Variants in PTPRS observed in about 807,000 individuals in gnomAD.
PTPRS encodes protein tyrosine phosphatase receptor type S, also known as receptor-type tyrosine-protein phosphatase S.
A neutral mutation model predicts 215.3 loss-of-function variants in PTPRS; 63 were observed. The ratio of observed to expected loss-of-function variants is 0.29; its 90% CI spans 0.24 to 0.36. The LOEUF (loss-of-function observed/expected upper bound fraction) is 0.36, where lower values mean the gene tolerates loss of function less well. Ranked by LOEUF, PTPRS falls within the 10% of genes least tolerant of loss-of-function variation. The pLI is 1.00. For missense variants in PTPRS, 2,258 were observed against 2,825.8 expected, an observed-to-expected ratio of 0.80 and a Z score of 4.56; for synonymous variants, 1,404 against 1,191.4, an observed-to-expected ratio of 1.18 and a Z score of -3.68.
rs1568394587 is a variant in PTPRS, at chr19:5,220,164, CAG to C, written c.3550-12_3550-11del. Reference sequence around the variant, plus strand: ...AGATGTCCTGGATGAGCTGCGGGAACAGAGTCATGGGTGGCTCAGAGCTCAGC... The same window carrying C: ...AGATGTCCTGGATGAGCTGCGGGAACAGTCATGGGTGGCTCAGAGCTCAGC... On this transcript the variant is annotated splice_polypyrimidine_tract_variant and intron_variant, in intron 21 of 37. Transcript: ENST00000262963. 1.2e-5 allele frequency: 20 copies of C among 1,609,944 alleles called. No individual in the cohort carries two copies. The highest frequency in any genetic ancestry group is 5.5e-5 in the South Asian group (5 of 90,968).
chr19:5,241,958 CTT>C (rs956345962), intron 11 of PTPRS, among the ~76,000 whole-genome samples: 23 of 152,224 alleles, frequency 1.5e-4, no homozygotes, highest in Admixed American at 6.5e-5. Context: ...GCCTCAGCCT[CTT>C]GAGTAGCTGG....
rs572802335 is a variant in PTPRS, at chr19:5,266,069, T to C, written c.380-873A>G. On this transcript the variant is annotated intron_variant, in intron 4 of 37. Coordinates refer to ENST00000262963, the MANE Select transcript of PTPRS (RefSeq NM_002850.4). ...AAGGCTAGGAGTTTAAGACCCAGCC[T>C]GGCCCACATGGTGAAACACTGTCTC... 2.6e-5 allele frequency among the ~76,000 whole-genome samples: 4 copies of C among 152,206 alleles called. No homozygotes were observed. In the East Asian group the frequency reaches 7.7e-4, roughly 29 times the overall value.
intron 9 of PTPRS, among the ~76,000 whole-genome samples, chr19:5,254,627 C>T (rs1186263014): frequency 1.3e-5 from 2 of 152,072 alleles, no homozygotes; most frequent in Non-Finnish European, 2.9e-5. Flanking sequence ...CCAAGGTTCC[C>T]CTGGGCTTTT....
At chr19:5,311,508 T>C (rs566101201) in intron 1 of PTPRS, among the ~76,000 whole-genome samples, 4 of 152,298 alleles carry the variant, frequency 2.6e-5, no homozygotes, top group African/African-American at 9.6e-5. Context: ...GGTTGTTTTC[T>C]GAACACACAG....
chr19:5,334,249 G>T (rs576316424), intron 1 of PTPRS, among the ~76,000 whole-genome samples: 4 of 152,268 alleles, frequency 2.6e-5, no homozygotes, highest in African/African-American at 9.6e-5. Flanking sequence ...GGCTGAGGGC[G>T]GGGTAGCGGG....
intron 9 of PTPRS, among the ~76,000 whole-genome samples, chr19:5,246,882 A>G (rs1204236577): frequency 6.8e-6 from 1 of 146,290 alleles, no homozygotes; most frequent in Non-Finnish European, 1.5e-5. Flanking sequence ...TGCAAAATAG[A>G]TTGAGAGAGA....
chr19:5,222,863 G>C lies in PTPRS; in HGVS notation c.2929C>G (p.Pro977Ala). The C allele has an allele frequency of 6.3e-7, 1 of 1,586,960 alleles. No homozygotes were observed. Among genetic ancestry groups the C allele is most frequent in the South Asian group, 1.1e-5 (1 of 89,836 alleles). The change falls in exon 18 of 38, where the codon CCT becomes GCT. Residue 977 changes from proline (P) to alanine (A), a missense_variant. This residue lies in a region of PTPRS where 361 missense variants were observed against 332.6 expected (regional missense o/e 1.09). Transcript: ENST00000262963. The part of the protein sequence containing the change: ...VAVREAGALG[P>A]ARETELPAAA... The stretch of plus-strand genomic sequence containing the variant: ...GCCGGCAGCTCAGTCTCTCGGGCAG[G>C]GCCCAGGGCACCGGCCTCCCGCACG...
chr19:5,239,082 A>G lies in PTPRS; in HGVS notation c.1705-19T>C, dbSNP rs2145841491. On this transcript the variant is annotated intron_variant, in intron 12 of 37. Coordinates refer to ENST00000262963, the MANE Select transcript of PTPRS (RefSeq NM_002850.4). ...TTCCCACCTGGGGGCAGGGCAGAGA[A>G]GGACAGAGAGGGATGGGGGAGAGAG... The G allele has an allele frequency of 6.6e-7, 1 of 1,513,230 alleles. No individual in the cohort carries two copies. The highest frequency in any genetic ancestry group is 8.9e-7 in the Non-Finnish European group (1 of 1,119,494). The allele number at this position is 1,513,230 out of a possible 1,614,324, so 93.7% of individuals were successfully genotyped here. A position where few individuals can be genotyped will look rare whatever the true frequency, so the allele number is the denominator to read the frequency against.
rs2044337205 is a variant in PTPRS, at chr19:5,244,909, C to G, written c.989-427G>C. The stretch of plus-strand genomic sequence containing the variant: ...GGTCTCGATCTCCTGACCTCGTGAT[C>G]CGCCCGCCTCGGCCTCCCGAAGTGC... On this transcript the variant is annotated intron_variant, in intron 10 of 37. Coordinates refer to ENST00000262963, the MANE Select transcript of PTPRS (RefSeq NM_002850.4). This position sits in a 1 kb window ranked among gnomAD's most constrained non-coding sequence, Gnocchi z 7.2. Among the ~76,000 whole-genome samples the G allele has an allele frequency of 6.6e-6, 1 of 151,988 alleles. No individual in the cohort carries two copies. Among genetic ancestry groups the G allele is most frequent in the Non-Finnish European group, 1.5e-5 (1 of 67,986 alleles).
At chr19:5,296,992 G>A (rs751181662) in intron 1 of PTPRS, among the ~76,000 whole-genome samples, 2 of 151,884 alleles carry the variant, frequency 1.3e-5, no homozygotes, top group Non-Finnish European at 2.9e-5. Context: ...GGCTCATTTG[G>A]GGATGTACAG....
intron 11 of PTPRS, among the ~76,000 whole-genome samples, chr19:5,243,280 C>T (rs1029306419): frequency 6.2e-4 from 93 of 150,936 alleles, no homozygotes; most frequent in African/African-American, 2.2e-3. Flanking sequence ...TACAGGCACC[C>T]GCCACCACGG....
At position 5,218,523 on chromosome 19, in the gene PTPRS, C is replaced by A; in HGVS notation, c.3945G>T (p.Lys1315Asn). Residue 1315 changes from lysine to asparagine, a missense_variant, in exon 25 of 38, where the codon AAG (lysine) becomes AAT (asparagine). By Grantham distance (94) the Lys-to-Asn change is moderately conservative (BLOSUM62 0). Around this residue, in one of 6 missense-constraint regions of PTPRS, gnomAD observed 927 missense variants for 1,125.9 expected, o/e 0.82. Coordinates refer to ENST00000262963, the MANE Select transcript of PTPRS (RefSeq NM_002850.4). ...GGCATTTGGTGCGGGGTTCTGAGTC[C>A]TTGCGTTTACTTTAGGAGAAGCAAG... ...LYKNKPDSKR[K>N]DSEPRTKCLL... is the part of the protein sequence containing the mutation. 1 of 1,614,114 alleles carries A rather than the reference C, an allele frequency of 6.2e-7. No individual in the cohort carries two copies. The highest frequency in any genetic ancestry group is 8.5e-7 in the Non-Finnish European group (1 of 1,180,004).
intron 1 of PTPRS, among the ~76,000 whole-genome samples, chr19:5,318,554 G>A (rs910371401): frequency 1.3e-5 from 2 of 152,026 alleles, no homozygotes; most frequent in Non-Finnish European, 2.9e-5. Context: ...CCCCTCACAT[G>A]GCTGCTGTGA....
intron 4 of PTPRS, among the ~76,000 whole-genome samples, chr19:5,266,235 G>C (rs1465934721): frequency 6.6e-6 from 1 of 151,214 alleles, no homozygotes; most frequent in Non-Finnish European, 1.5e-5. Flanking sequence ...CTCTAGCCTG[G>C]GCGACAGAGT....
chr19:5,274,269 G>A lies in PTPRS; in HGVS notation c.167C>T (p.Ala56Val). Reference sequence around the variant, plus strand: ...CACTCGTGGCTTGGGGTCACCCGTGGCCTGACACACGAAAGAGGCCACACC... The same window carrying A: ...CACTCGTGGCTTGGGGTCACCCGTGACCTGACACACGAAAGAGGCCACACC... ...SGGVASFVCQATGDPKPRVTW... is the reference protein window; with the variant it reads ...SGGVASFVCQVTGDPKPRVTW... The change falls in exon 3 of 38, where the codon GCC (alanine) becomes GTC (valine). Residue 56 changes from alanine to valine, a missense_variant. By Grantham distance (64) the Ala-to-Val change is moderately conservative. Coordinates refer to ENST00000262963, the MANE Select transcript of PTPRS (RefSeq NM_002850.4). 6.2e-7 allele frequency: 1 copy of A among 1,613,928 alleles called. No homozygotes were observed.
chr19:5,226,063 A>G (rs1459328058), intron 16 of PTPRS, among the ~76,000 whole-genome samples: 3 of 152,090 alleles, frequency 2.0e-5, no homozygotes, highest in Non-Finnish European at 4.4e-5. Flanking sequence ...GCTTGCCAGG[A>G]CCAACTCGGT....
At position 5,206,368 on chromosome 19, in the gene PTPRS, G is replaced by A. The variant is rs1044194876; in HGVS notation, c.*406C>T. The A allele has an allele frequency of 4.2e-6, 1 of 240,434 alleles. No homozygotes were observed. The highest frequency in any genetic ancestry group is 8.1e-6 in the Non-Finnish European group (1 of 123,388). The allele number at this position is 240,434 out of a possible 1,614,324, so 14.9% of individuals were successfully genotyped here. On this transcript the variant is annotated 3_prime_UTR_variant, in exon 38 of 38. Transcript: ENST00000262963. ...TCTGGTCCCAGCCCAGTGTCCCCAGGCTGCAGAGCGGGGAGGAGCCCCCCG... is the reference window on the plus strand; with the variant it reads ...TCTGGTCCCAGCCCAGTGTCCCCAGACTGCAGAGCGGGGAGGAGCCCCCCG...
intron 9 of PTPRS, 126 bp from the exon 10 acceptor site, chr19:5,246,171 G>T: frequency 4.1e-6 from 2 of 485,954 alleles, no homozygotes; most frequent in South Asian, 1.9e-4. Flanking sequence ...AAGAAGGAAA[G>T]AAAGAAAAAA....
chr19:5,273,715 G>A (rs1568539339), intron 3 of PTPRS, 132 bp from the exon 4 acceptor site: 2 of 1,138,896 alleles, frequency 1.8e-6, no homozygotes, highest in Non-Finnish European at 2.5e-6. Flanking sequence ...TGGGAGAATT[G>A]CTGCAGGCTG....
Sources: gnomAD v4.1 joint callset for allele counts (sites outside exome capture counted in the v4.1 genomes callset) on GRCh38, gnomAD v4.1.1 for gene constraint, gnomAD v4.1.1 regional missense constraint, Gnocchi (gnomAD v3.1) non-coding constraint, MANE v1.5 for transcripts, NCBI Gene and HGNC (gene_info 2026-07-23, HGNC 2026-07-21) for gene names.